Variants in LGALS2 observed in about 807,000 individuals in gnomAD.
LGALS2 encodes the protein galectin 2.
LGALS2 carries 7 observed loss-of-function variants against 10.1 expected under a neutral mutation model. That is an observed-to-expected ratio of 0.70 (90% CI 0.40 to 1.31). The LOEUF is 1.31. LGALS2 is among the 50% of genes most tolerant of loss of function. LGALS2 has a pLI of 0.01. For missense variants in LGALS2, 167 were observed against 163.6 expected (o/e 1.02, Z -0.11); for synonymous variants, 86 against 64.2 (o/e 1.34, Z -1.63).
chr22:37,574,360 A>G (rs921541369), intron 1 of LGALS2, among the ~76,000 whole-genome samples: 2 of 152,100 alleles, frequency 1.3e-5, no homozygotes, highest in African/African-American at 2.4e-5. Flanking sequence ...TATTAAAAAT[A>G]CAAAAATTAG....
chr22:37,579,861 A>C (rs774365585), intron 1 of LGALS2, 39 bp downstream of exon 1: 1 of 1,600,924 alleles, frequency 6.2e-7, no homozygotes, highest in Non-Finnish European at 8.5e-7. Context: ...GACAAAGATG[A>C]ACAGAGTGGG....
At chr22:37,574,291 G>A (rs5756737) in intron 1 of LGALS2, among the ~76,000 whole-genome samples, 76,295 of 151,584 alleles carry the variant, frequency 0.5, 20,312 homozygotes, top group Non-Finnish European at 0.58. Context: ...TGAGTCGGGT[G>A]GATCACCTGA....
At chr22:37,574,469 T>C (rs559374250) in intron 1 of LGALS2, among the ~76,000 whole-genome samples, 3 of 147,604 alleles carry the variant, frequency 2.0e-5, no homozygotes, top group South Asian at 4.3e-4. Flanking sequence ...TGAGCCGAGA[T>C]TGTGCCAGGC....
intron 1 of LGALS2, among the ~76,000 whole-genome samples, chr22:37,577,569 G>T (rs1442769854): frequency 9.3e-5 from 14 of 149,838 alleles, no homozygotes; most frequent in African/African-American, 3.4e-4. Context: ...AGTACAGACA[G>T]GGTTTCACCA....
At chr22:37,573,216 A>C (rs1925557937) in intron 1 of LGALS2, among the ~76,000 whole-genome samples, 1 of 152,162 alleles carries the variant, frequency 6.6e-6, no homozygotes, top group Admixed American at 6.6e-5. Context: ...GGTTGCAGTA[A>C]GACAAGATCA....
Position 37,570,598 on chromosome 22 carries a change from A to G in LGALS2, c.227T>C (p.Phe76Ser). Reference sequence around the variant, plus strand: ...CACCTTGACCTCTGACCCTGGGCTGAAGCACAGGTGATCTTCCCGTTGTTC... The same window carrying G: ...CACCTTGACCTCTGACCCTGGGCTGGAGCACAGGTGATCTTCCCGTTGTTC... ...GQEQREDHLC[F>S]SPGSEVKFTV... Residue 76 changes from phenylalanine (F) to serine (S), a missense_variant, in exon 3 of 4, where the codon TTC becomes TCC. By Grantham distance (155) the Phe-to-Ser change is radical. Transcript: ENST00000215886. 1 of 1,614,242 alleles carries G rather than the reference A, an allele frequency of 6.2e-7. No homozygotes were observed.
chr22:37,572,690 C>T (rs890402510), intron 1 of LGALS2, among the ~76,000 whole-genome samples: 155 of 150,474 alleles, frequency 1.0e-3, no homozygotes, highest in African/African-American at 3.5e-3. Flanking sequence ...TGGTGTGAAC[C>T]CGGGAGGCGG....
intron 1 of LGALS2, among the ~76,000 whole-genome samples, chr22:37,577,385 T>C (rs1452168058): frequency 6.7e-6 from 1 of 149,524 alleles, no homozygotes; most frequent in Non-Finnish European, 1.5e-5. Context: ...AGTCTCACTC[T>C]GTCACCTAGG....
At chr22:37,577,056 T>C (rs1192732935) in intron 1 of LGALS2, among the ~76,000 whole-genome samples, 7 of 152,268 alleles carry the variant, frequency 4.6e-5, no homozygotes, top group African/African-American at 1.7e-4. Flanking sequence ...CAGAGGGGCC[T>C]GGGGCCAGCT....
rs374517736 is a variant in LGALS2 at position 37,570,563 on chromosome 22, C to G, written c.249+13G>C. 6.2e-7 allele frequency: 1 copy of G among 1,614,206 alleles called. No individual in the cohort carries two copies. The highest frequency in any genetic ancestry group is 1.1e-5 in the South Asian group (1 of 91,078). ...TGACATCACCCCAGTGCCCTTTCCCCCTTTGACCTCACCTTGACCTCTGAC... is the reference window on the plus strand; with the variant it reads ...TGACATCACCCCAGTGCCCTTTCCCGCTTTGACCTCACCTTGACCTCTGAC... On this transcript the variant is annotated intron_variant, in intron 3 of 3. Coordinates refer to ENST00000215886, the MANE Select transcript of LGALS2 (RefSeq NM_006498.3).
intron 1 of LGALS2, among the ~76,000 whole-genome samples, chr22:37,572,360 A>C (rs1480922919): frequency 6.6e-6 from 1 of 152,340 alleles, no homozygotes; most frequent in Admixed American, 6.5e-5. Flanking sequence ...GGCCAGGTGC[A>C]GGGGCTCACG....
In LGALS2 at chr22:37,572,769, A is replaced by AAATAATAATAATAAT. The variant is rs10633102; in HGVS notation, c.7-853_7-839dup. 3.5e-3 allele frequency among the ~76,000 whole-genome samples: 480 copies of AAATAATAATAATAAT among 136,390 alleles called. 2 individuals are homozygous for AAATAATAATAATAAT. The highest frequency in any genetic ancestry group is 0.012 in the African/African-American group (425 of 36,670). 89.5% of individuals were successfully genotyped at this position (136,390 alleles called of 152,430 possible). On this transcript the variant is annotated intron_variant, in intron 1 of 3. Coordinates refer to ENST00000215886, the MANE Select transcript of LGALS2 (RefSeq NM_006498.3). ...GCGACAGAGCGAAACTCCATCTCAA[A>AAATAATAATAATAAT]AATAATAATAATAATAATAATAATA...
chr22:37,573,345 C>G (rs1925561430), intron 1 of LGALS2, among the ~76,000 whole-genome samples: 2 of 152,322 alleles, frequency 1.3e-5, no homozygotes, highest in South Asian at 4.1e-4. Flanking sequence ...ATCAAAGTCT[C>G]TCTCCAAGCC....
intron 1 of LGALS2, among the ~76,000 whole-genome samples, chr22:37,574,041 A>AT (rs1925586576): frequency 6.6e-6 from 1 of 151,522 alleles, no homozygotes; most frequent in South Asian, 2.1e-4. Context: ...TCTTTTTTAA[A>AT]TTTTTTCTTT....
Position 37,572,769 on chromosome 22 carries a change from AAATAATAAT to A in LGALS2, c.7-847_7-839del, listed in dbSNP as rs10633102. Among the ~76,000 whole-genome samples the A allele has an allele frequency of 8.5e-3, 1,163 of 136,396 alleles. 17 individuals are homozygous for A. Among genetic ancestry groups the A allele is most frequent in the African/African-American group, 0.029 (1,061 of 36,672 alleles). 89.5% of individuals were successfully genotyped at this position (136,396 alleles called of 152,430 possible). On this transcript the variant is annotated intron_variant, in intron 1 of 3. Coordinates refer to ENST00000215886, the MANE Select transcript of LGALS2 (RefSeq NM_006498.3). ...GCGACAGAGCGAAACTCCATCTCAAAAATAATAATAATAATAATAATAATAATAATAAAT... is the reference window on the plus strand; with the variant it reads ...GCGACAGAGCGAAACTCCATCTCAAAAATAATAATAATAATAATAATAAAT...
chr22:37,574,499 T>TAAAA (rs56410387), intron 1 of LGALS2, among the ~76,000 whole-genome samples: 8 of 119,986 alleles, frequency 6.7e-5, no homozygotes, highest in Non-Finnish European at 1.2e-4. Context: ...AGACTCTGTC[T>TAAAA]AAAAAAAAAA....
Position 37,570,307 on chromosome 22 carries a change from C to T in LGALS2, c.355G>A (p.Val119Ile), listed in dbSNP as rs2235339. ...LGHSHLSYLSVRGGFNMSSFK... is the reference protein window; with the variant it reads ...LGHSHLSYLSIRGGFNMSSFK... ...GAGGACATGTTGAACCCGCCCCTTA[C>T]GCTCAGGTAGCTCAGGTGGCTGTGA... The change falls in exon 4 of 4, where the codon GTA becomes ATA. Residue 119 changes from valine (V) to isoleucine (I), a missense_variant. Coordinates refer to ENST00000215886, the MANE Select transcript of LGALS2 (RefSeq NM_006498.3). 0.01 allele frequency: 16,513 copies of T among 1,613,530 alleles called. 900 individuals are homozygous for T. In the African/African-American group the frequency reaches 0.14, roughly 13 times the overall value.
Position 37,570,696 on chromosome 22 carries a change from G to A in LGALS2, c.129C>T (p.Asn43=). The change falls in exon 3 of 4, where the codon AAC becomes AAT. Residue 43 remains asparagine, a synonymous_variant. Coordinates refer to ENST00000215886, the MANE Select transcript of LGALS2 (RefSeq NM_006498.3). ...CGCTGAAGCGAGGGTTGAAATGCAG[G>A]TTCAGCTTGTCTGTCCCCTGGCCCA... ...INLGQGTDKL[N]LHFNPRFSES... is the part of the protein sequence containing the mutation. 4 of 1,614,258 alleles carry A rather than the reference G, an allele frequency of 2.5e-6. No individual in the cohort carries two copies. Among genetic ancestry groups the A allele is most frequent in the Middle Eastern group, 1.6e-4 (1 of 6,062 alleles).
chr22:37,570,547 C>T (rs773180851), intron 3 of LGALS2, 29 bp downstream of exon 3: 2 of 1,613,732 alleles, frequency 1.2e-6, no homozygotes, highest in East Asian at 2.2e-5. Flanking sequence ...TTGACATCAC[C>T]CCAGTGCCCT....
Sources: allele counts gnomAD v4.1 joint callset (sites outside exome capture counted in the v4.1 genomes callset), GRCh38; gene constraint gnomAD v4.1.1; transcripts MANE v1.5; gene names NCBI Gene and HGNC (gene_info 2026-07-23, HGNC 2026-07-21).